The following PRPH2 variants were observed in gnomAD, a reference collection of about 807,000 sequenced individuals.
PRPH2 encodes the protein peripherin 2.
PRPH2 carries 17 observed loss-of-function variants against 31.3 expected under a neutral mutation model. The observed-to-expected ratio is 0.54, with a 90% CI of 0.37 to 0.81. The LOEUF (loss-of-function observed/expected upper bound fraction) is 0.81. Ranked by LOEUF, PRPH2 falls within the 40% of genes least tolerant of loss-of-function variation. The probability of loss-of-function intolerance (pLI) is 0.00; values close to 1 mark genes in which losing one functional copy is unlikely to be tolerated. For missense variants in PRPH2, 430 were observed against 439.7 expected, an observed-to-expected ratio of 0.98 and a Z score of 0.20; for synonymous variants, 165 against 184.4, an observed-to-expected ratio of 0.89 and a Z score of 0.85.
intron 1 of PRPH2, among the ~76,000 whole-genome samples, chr6:42,715,813 A>T (rs1384340225): frequency 6.6e-6 from 1 of 152,142 alleles, no homozygotes; most frequent in African/African-American, 2.4e-5. Context: ...AAATCTCCAA[A>T]ACCTGCCCGC....
intron 1 of PRPH2, among the ~76,000 whole-genome samples, chr6:42,705,745 G>A (rs1399775719): frequency 6.7e-6 from 1 of 149,012 alleles, no homozygotes. Flanking sequence ...TCTTCATCAA[G>A]GTCAAGAGAT....
At position 42,704,623 on chromosome 6, in the gene PRPH2, A is replaced by T; in HGVS notation, c.582-12T>A. The T allele has an allele frequency of 6.2e-7, 1 of 1,614,142 alleles. No homozygotes were observed. Among genetic ancestry groups the T allele is most frequent in the Non-Finnish European group, 8.5e-7 (1 of 1,180,026 alleles). ...TGCTCTTGATTCGACTTAAAGGGAAACAGACAGCTGGAGATGGGCTTCCCG... is the reference window on the plus strand; with the variant it reads ...TGCTCTTGATTCGACTTAAAGGGAATCAGACAGCTGGAGATGGGCTTCCCG... On this transcript the variant is annotated splice_polypyrimidine_tract_variant and intron_variant, in intron 1 of 2. Coordinates refer to ENST00000230381, the MANE Select transcript of PRPH2 (RefSeq NM_000322.5).
rs61755809 is a variant in PRPH2 at position 42,704,535 on chromosome 6, G to T, written c.658C>A (p.Arg220=). 10 of 1,614,168 alleles carry T rather than the reference G, an allele frequency of 6.2e-6. No homozygotes were observed. Among genetic ancestry groups the T allele is most frequent in the Non-Finnish European group, 8.5e-6 (10 of 1,180,024 alleles). ...GTGATCTGATACTGGATGCAGGGCC[G>T]TGGCGAGCTAGGATTGCAGCAGCTG... ...PFSCCNPSSP[R]PCIQYQITNN... Residue 220 remains arginine (R), a synonymous_variant, in exon 2 of 3, where the codon CGG becomes AGG. Coordinates refer to ENST00000230381, the MANE Select transcript of PRPH2 (RefSeq NM_000322.5).
chr6:42,705,275 C>T (rs1272676758), intron 1 of PRPH2, among the ~76,000 whole-genome samples: 1 of 152,078 alleles, frequency 6.6e-6, no homozygotes, highest in African/African-American at 2.4e-5. Context: ...TTGTTTAGCG[C>T]TTACCATACA....
chr6:42,706,292 A>C (rs141254136), intron 1 of PRPH2, among the ~76,000 whole-genome samples: 2,030 of 150,542 alleles, frequency 0.013, 50 homozygotes, highest in African/African-American at 0.047. Context: ...GTAGTCCCAG[A>C]TACTCGGGAG....
At chr6:42,705,232 A>G (rs147923476) in intron 1 of PRPH2, among the ~76,000 whole-genome samples, 2 of 152,330 alleles carry the variant, frequency 1.3e-5, no homozygotes, top group East Asian at 3.9e-4. Flanking sequence ...GGCTCCCAGC[A>G]TATCTTCTGC....
chr6:42,719,359 A>C (rs1401644827), intron 1 of PRPH2, among the ~76,000 whole-genome samples: 1 of 151,812 alleles, frequency 6.6e-6, no homozygotes, highest in East Asian at 1.9e-4. Context: ...TATTTTTAGT[A>C]GAGATGAGGT....
At chr6:42,717,890 G>GA (rs1761819229) in intron 1 of PRPH2, among the ~76,000 whole-genome samples, 1 of 152,260 alleles carries the variant, frequency 6.6e-6, no homozygotes, top group South Asian at 2.1e-4. Flanking sequence ...GTGGGACTGG[G>GA]CGCGGTGGCT....
intron 1 of PRPH2, among the ~76,000 whole-genome samples, chr6:42,720,719 A>T (rs1296393715): frequency 6.6e-6 from 1 of 151,968 alleles, no homozygotes; most frequent in Non-Finnish European, 1.5e-5. Flanking sequence ...AAAAAAAACC[A>T]CCCTTAGGAA....
intron 1 of PRPH2, among the ~76,000 whole-genome samples, chr6:42,710,420 G>T (rs1800254321): frequency 6.6e-6 from 1 of 152,168 alleles, no homozygotes; most frequent in Admixed American, 6.5e-5. Flanking sequence ...CACCAGCCTG[G>T]GAACTCCTGG....
intron 1 of PRPH2, among the ~76,000 whole-genome samples, chr6:42,712,736 T>TA (rs1652671943): frequency 6.6e-6 from 1 of 151,706 alleles, no homozygotes; most frequent in African/African-American, 2.4e-5. Flanking sequence ...CTTTTTTTTT[T>TA]AGAGACCTTG....
At chr6:42,704,244 T>C (rs1800105525) in intron 2 of PRPH2, 121 bp downstream of exon 2, 1 of 1,334,286 alleles carries the variant, frequency 7.5e-7, no homozygotes, top group African/African-American at 1.5e-5. Flanking sequence ...GACCCACAGC[T>C]CCACTGAAGG....
chr6:42,714,458 T>C (rs151008275), intron 1 of PRPH2, among the ~76,000 whole-genome samples: 1,756 of 152,328 alleles, frequency 0.012, 39 homozygotes, highest in African/African-American at 0.041. Flanking sequence ...TAAAAACCAT[T>C]GAATTGCATA....
chr6:42,698,893 C>T (rs1286014642), intron 2 of PRPH2, among the ~76,000 whole-genome samples: 1 of 152,142 alleles, frequency 6.6e-6, no homozygotes, highest in Non-Finnish European at 1.5e-5. Flanking sequence ...CATCCTCCCT[C>T]CCCATCCCCT....
intron 1 of PRPH2, 77 bp from the exon 2 acceptor site, chr6:42,704,688 C>T: frequency 6.3e-7 from 1 of 1,599,764 alleles, no homozygotes. Context: ...ACCCCTGCCT[C>T]TGGAAACCTA....
intron 1 of PRPH2, among the ~76,000 whole-genome samples, chr6:42,705,599 A>AAATATATATATAT (rs1562424252): frequency 9.3e-5 from 2 of 21,586 alleles, no homozygotes; most frequent in Non-Finnish European, 1.7e-4. Flanking sequence ...AAAAAAAAAA[A>AAATATATATATAT]ATATATATAT....
At chr6:42,721,112 A>C (rs1037132635) in intron 1 of PRPH2, among the ~76,000 whole-genome samples, 9 of 152,126 alleles carry the variant, frequency 5.9e-5, no homozygotes, top group South Asian at 2.1e-4. Flanking sequence ...AAAATTACCT[A>C]TTCTATTCCA....
At chr6:42,715,658 G>A (rs1761763475) in intron 1 of PRPH2, among the ~76,000 whole-genome samples, 1 of 152,144 alleles carries the variant, frequency 6.6e-6, no homozygotes, top group Non-Finnish European at 1.5e-5. Context: ...GTGACAGAGT[G>A]AGACTCCATT....
chr6:42,701,673 C>T (rs894748320), intron 2 of PRPH2, among the ~76,000 whole-genome samples: 2 of 91,498 alleles, frequency 2.2e-5, no homozygotes, highest in Non-Finnish European at 4.7e-5. Flanking sequence ...TGCGCCACCA[C>T]GTCCAGCAAT....
Sources: allele counts gnomAD v4.1 joint callset (sites outside exome capture counted in the v4.1 genomes callset), GRCh38; gene constraint gnomAD v4.1.1; transcripts MANE v1.5; gene names NCBI Gene and HGNC (gene_info 2026-07-23, HGNC 2026-07-21).